ACTN2: variants seen among roughly 807,000 people sequenced by gnomAD.
The protein encoded by ACTN2 is alpha-actinin-2.
In ACTN2, 39 loss-of-function variants were observed where a neutral mutation model predicts 113.8. That is an observed-to-expected ratio of 0.34 (90% CI 0.27 to 0.45). ACTN2 has a LOEUF of 0.45. ACTN2 is among the 20% of genes least tolerant of loss of function. The pLI, the probability that ACTN2 is intolerant of heterozygous loss-of-function variation, is 1.00. For missense variants in ACTN2, 992 were observed against 1,177.9 expected, an observed-to-expected ratio of 0.84 and a Z score of 2.31; for synonymous variants, 429 against 444.1, an observed-to-expected ratio of 0.97 and a Z score of 0.43.
chr1:236,686,530 C>G lies in ACTN2; in HGVS notation c.-144C>G, dbSNP rs887110909. The G allele has an allele frequency of 2.1e-6, 2 of 970,496 alleles. No individual in the cohort carries two copies. The highest frequency in any genetic ancestry group is 4.6e-5 in the Admixed American group (1 of 21,634). The allele number at this position is 970,496 out of a possible 1,614,324, so 60.1% of individuals were successfully genotyped here. ...GGTGCTTCGCCCGAGACCCAGCGCCCAGGCGTGTCGCCCCGAGAGGAGCCG... is the reference window on the plus strand; with the variant it reads ...GGTGCTTCGCCCGAGACCCAGCGCCGAGGCGTGTCGCCCCGAGAGGAGCCG... On this transcript the variant is annotated 5_prime_UTR_variant, in exon 1 of 21. Coordinates refer to ENST00000366578, the MANE Select transcript of ACTN2 (RefSeq NM_001103.4).
At chr1:236,710,080 T>C (rs1486625168) in intron 1 of ACTN2, among the ~76,000 whole-genome samples, 1 of 152,222 alleles carries the variant, frequency 6.6e-6, no homozygotes. Flanking sequence ...TGGACTGATA[T>C]TCAGGGAACC....
At chr1:236,721,647 G>A (rs1416509323) in intron 4 of ACTN2, among the ~76,000 whole-genome samples, 1 of 151,940 alleles carries the variant, frequency 6.6e-6, no homozygotes, top group Non-Finnish European at 1.5e-5. Flanking sequence ...TAAAATTCTT[G>A]CTTTATTTAA....
In ACTN2 at chr1:236,763,637, G is replaced by A. The variant is rs185695273; in HGVS notation, c.*1018G>A. The A allele has an allele frequency of 1.8e-4, 28 of 152,344 alleles. No individual in the cohort carries two copies. Among genetic ancestry groups the A allele is most frequent in the Non-Finnish European group, 3.2e-4 (22 of 68,046 alleles). The allele number at this position is 152,344 out of a possible 1,614,324, so 9.4% of individuals were successfully genotyped here. A position where few individuals can be genotyped will look rare whatever the true frequency, so the allele number is the denominator to read the frequency against. ...GAGAGGACTAATTCTCAGCAGCAGT[G>A]GAGGTGAGTTCTTTCTTTTGCGGAA... On this transcript the variant is annotated 3_prime_UTR_variant, in exon 21 of 21. Transcript: ENST00000366578.
At position 236,698,224 on chromosome 1, in the gene ACTN2, T is replaced by TAA. The variant is rs11439443; in HGVS notation, c.126+11436_126+11437dup. On this transcript the variant is annotated intron_variant, in intron 1 of 20. Transcript: ENST00000366578. ...TTTATTGAACATTTGTAAGATGCCT[T>TAA]AAAAAAAAAAAACATGATGTAGAAT... Among the ~76,000 whole-genome samples the TAA allele has an allele frequency of 4.0e-3, 584 of 147,046 alleles. 3 individuals are homozygous for TAA. The highest frequency in any genetic ancestry group is 4.1e-3 in the Admixed American group (61 of 14,868).
At chr1:236,752,385 GTATT>G (rs1021531094) in intron 15 of ACTN2, among the ~76,000 whole-genome samples, 18 of 150,796 alleles carry the variant, frequency 1.2e-4, no homozygotes, top group South Asian at 2.1e-4. Context: ...GAAAAGGAAA[GTATT>G]TATCCGAGAA....
At chr1:236,699,864 A>G (rs1426333998) in intron 1 of ACTN2, among the ~76,000 whole-genome samples, 1 of 152,250 alleles carries the variant, frequency 6.6e-6, no homozygotes, top group Non-Finnish European at 1.5e-5. Flanking sequence ...ATAGGTGATG[A>G]CTAAAAGGAA....
intron 6 of ACTN2, among the ~76,000 whole-genome samples, chr1:236,730,369 C>A (rs1300601993): frequency 3.3e-5 from 5 of 150,928 alleles, no homozygotes; most frequent in African/African-American, 1.2e-4. Flanking sequence ...TTGAAACCTG[C>A]ACTTTTTCAG....
At chr1:236,701,203 C>G (rs577880890) in intron 1 of ACTN2, among the ~76,000 whole-genome samples, 1 of 152,302 alleles carries the variant, frequency 6.6e-6, no homozygotes, top group African/African-American at 2.4e-5. Flanking sequence ...TGAGGACATA[C>G]ACAGGCAGCC....
At chr1:236,718,086 A>G (rs1658274863) in intron 2 of ACTN2, 114 bp downstream of exon 2, 2 of 804,862 alleles carry the variant, frequency 2.5e-6, no homozygotes, top group Non-Finnish European at 4.2e-6. Context: ...AGAACATGGT[A>G]TTATTGCCAA....
chr1:236,724,722 T>C (rs1282448346), intron 4 of ACTN2, among the ~76,000 whole-genome samples: 1 of 152,046 alleles, frequency 6.6e-6, no homozygotes, highest in Non-Finnish European at 1.5e-5. Context: ...AGGGGTGTGG[T>C]GCATTCAGGG....
At chr1:236,701,677 G>A (rs1657681872) in intron 1 of ACTN2, among the ~76,000 whole-genome samples, 1 of 152,186 alleles carries the variant, frequency 6.6e-6, no homozygotes. Flanking sequence ...TTACACATCT[G>A]CAAAATGAAG....
intron 1 of ACTN2, among the ~76,000 whole-genome samples, chr1:236,694,993 A>C (rs1043700107): frequency 2.0e-5 from 3 of 151,948 alleles, no homozygotes; most frequent in Non-Finnish European, 2.9e-5. Flanking sequence ...TTGAGCTCAG[A>C]AGTTTGAGGC....
At chr1:236,733,145 T>A (rs557248725) in intron 7 of ACTN2, among the ~76,000 whole-genome samples, 1 of 152,362 alleles carries the variant, frequency 6.6e-6, no homozygotes, top group South Asian at 2.1e-4. Flanking sequence ...AGTTTATATT[T>A]GTATGCTCTT....
intron 15 of ACTN2, among the ~76,000 whole-genome samples, chr1:236,752,998 A>G (rs1659448043): frequency 6.6e-6 from 1 of 152,220 alleles, no homozygotes; most frequent in African/African-American, 2.4e-5. Context: ...AGATTTTTGA[A>G]GTAGTTTTTT....
chr1:236,723,530 A>G lies in ACTN2; in HGVS notation c.449-2403A>G, dbSNP rs767668616. Among the ~76,000 whole-genome samples the G allele has an allele frequency of 1.1e-4, 17 of 152,236 alleles. No individual in the cohort carries two copies. In the South Asian group the frequency reaches 2.5e-3, roughly 22 times the overall value. On this transcript the variant is annotated intron_variant, in intron 4 of 20. Coordinates refer to ENST00000366578, the MANE Select transcript of ACTN2 (RefSeq NM_001103.4). Reference sequence around the variant, plus strand: ...ACCCAGGCTGGAGTGCAGTGGTGCAATCTCGGTTCACTGTAACCTCTGCCT... The same window carrying G: ...ACCCAGGCTGGAGTGCAGTGGTGCAGTCTCGGTTCACTGTAACCTCTGCCT...
chr1:236,757,638 ACT>A lies in ACTN2; in HGVS notation c.2301+11_2301+12del. ...CCTTCAACCACTTTGACAGGGTACC[ACT>A]CTCTACTTATTTGAAGGGCAATACT... On this transcript the variant is annotated splice_region_variant and intron_variant, in intron 18 of 20. Transcript: ENST00000366578. The A allele has an allele frequency of 6.2e-7, 1 of 1,614,030 alleles. No individual in the cohort carries two copies. The highest frequency in any genetic ancestry group is 8.5e-7 in the Non-Finnish European group (1 of 1,179,988).
At chr1:236,707,997 C>T (rs998034397) in intron 1 of ACTN2, among the ~76,000 whole-genome samples, 1 of 151,984 alleles carries the variant, frequency 6.6e-6, no homozygotes, top group Non-Finnish European at 1.5e-5. Flanking sequence ...AGGTGTGAGC[C>T]ACCGCACTTG....
rs71532031 is a variant in ACTN2, at chr1:236,713,577, A to G, written c.127-4281A>G. The stretch of plus-strand genomic sequence containing the variant: ...GATTTGTGTTAAAGGGACCAAAGGG[A>G]AAAAAAAGACGTGTGTCTGTGTGTT... On this transcript the variant is annotated intron_variant, in intron 1 of 20. Transcript: ENST00000366578. Among the ~76,000 whole-genome samples the G allele has an allele frequency of 3.2e-3, 439 of 137,426 alleles. 6 individuals are homozygous for G. Among genetic ancestry groups the G allele is most frequent in the Admixed American group, 0.019 (260 of 13,784 alleles). 90.2% of individuals were successfully genotyped at this position (137,426 alleles called of 152,430 possible).
In ACTN2 at chr1:236,754,912, G is replaced by C. The variant is rs1243842098; in HGVS notation, c.1975-107G>C. 7.5e-7 allele frequency: 1 copy of C among 1,340,082 alleles called. No homozygotes were observed. Among genetic ancestry groups the C allele is most frequent in the East Asian group, 2.3e-5 (1 of 43,564 alleles). 83.0% of individuals were successfully genotyped at this position (1,340,082 alleles called of 1,614,324 possible). A position where few individuals can be genotyped will look rare whatever the true frequency, so the allele number is the denominator to read the frequency against. The stretch of plus-strand genomic sequence containing the variant: ...CGAGTGACACTGGCCGCTGCCTGAC[G>C]CTGGCCTAGCATCCCATGCAGGGTC... On this transcript the variant is annotated intron_variant, in intron 16 of 20. Transcript: ENST00000366578. This position sits in a 1 kb window ranked among gnomAD's most constrained non-coding sequence, Gnocchi z 4.9.
Sources: gnomAD v4.1 joint callset for allele counts (sites outside exome capture counted in the v4.1 genomes callset) on GRCh38, gnomAD v4.1.1 for gene constraint, Gnocchi (gnomAD v3.1) non-coding constraint, MANE v1.5 for transcripts, NCBI Gene and HGNC (gene_info 2026-07-23, HGNC 2026-07-21) for gene names.